The following DNAH6 variants were observed in gnomAD, a reference collection of about 807,000 sequenced individuals.
DNAH6 encodes dynein axonemal heavy chain 6, also known as axonemal beta dynein heavy chain 6.
In DNAH6, 340 loss-of-function variants were observed where a neutral mutation model predicts 491.4. The observed-to-expected ratio is 0.69, with a 90% CI of 0.63 to 0.76. The LOEUF is 0.76. DNAH6 is among the 30% of genes least tolerant of loss of function. The probability of loss-of-function intolerance (pLI) is 0.00; values close to 1 mark genes in which losing one functional copy is unlikely to be tolerated. For synonymous variants in DNAH6, 1,603 were observed against 1,686.1 expected (o/e 0.95, Z 1.21); for missense variants, 4,443 against 4,972.2 (o/e 0.89, Z 3.20).
intron 64 of DNAH6, among the ~76,000 whole-genome samples, chr2:84,776,799 G>T (rs543890060): frequency 3.3e-4 from 51 of 152,350 alleles, no homozygotes; most frequent in African/African-American, 1.2e-3. Flanking sequence ...GCACACATAT[G>T]TTTATTGCAA....
chr2:84,703,607 A>G (rs1165083722), intron 50 of DNAH6, 45 bp downstream of exon 50: 2 of 1,486,686 alleles, frequency 1.3e-6, no homozygotes. Flanking sequence ...TCTGTCAGCA[A>G]CTGATCACTT....
rs146816708 is a variant in DNAH6 at position 84,812,913 on chromosome 2, G to A, written c.11926-145G>A. ...GCTGGCAGAACAGGAAGGGGAATGC[G>A]GCAGGCAGTGAAATGGGGGTGGTGA... On this transcript the variant is annotated intron_variant, in intron 73 of 76. Coordinates refer to ENST00000389394, the MANE Select transcript of DNAH6 (RefSeq NM_001370.2). 647 of 661,254 alleles carry A rather than the reference G, an allele frequency of 9.8e-4. 4 individuals are homozygous for A. In the African/African-American group the frequency reaches 0.011, roughly 11 times the overall value. 41.0% of individuals were successfully genotyped at this position (661,254 alleles called of 1,614,324 possible). A position where few individuals can be genotyped will look rare whatever the true frequency, so the allele number is the denominator to read the frequency against.
chr2:84,806,280 A>G (rs1679401188), intron 71 of DNAH6, among the ~76,000 whole-genome samples: 1 of 152,182 alleles, frequency 6.6e-6, no homozygotes, highest in South Asian at 2.1e-4. Context: ...CTCCACTTAG[A>G]AGACATATGG....
the DNAH6 span, among the ~76,000 whole-genome samples, chr2:84,507,225 ATCC>A: frequency 6.6e-6 from 1 of 152,036 alleles, no homozygotes; most frequent in African/African-American, 2.4e-5. Context: ...ATTTGTTTGT[ATCC>A]TCTTTTATTT....
rs1159867761 is a variant in DNAH6 at position 84,706,972 on chromosome 2, C to T, written c.8804C>T (p.Ala2935Val). 1 of 1,538,902 alleles carries T rather than the reference C, an allele frequency of 6.5e-7. No individual in the cohort carries two copies. Among genetic ancestry groups the T allele is most frequent in the Admixed American group, 2.1e-5 (1 of 46,816 alleles). Reference sequence around the variant, plus strand: ...AGACAAGTAGAAGATCAAATACAGGCCTTACAAGATGAATATGACAAAGGT... The same window carrying T: ...AGACAAGTAGAAGATCAAATACAGGTCTTACAAGATGAATATGACAAAGGT... ...LLRQVEDQIQALQDEYDKGVN... is the reference protein window; with the variant it reads ...LLRQVEDQIQVLQDEYDKGVN... Residue 2935 changes from alanine (A) to valine (V), a missense_variant, in exon 53 of 77, where the codon GCC becomes GTC. This residue lies in a region of DNAH6 where 1,463 missense variants were observed against 1,656.6 expected (regional missense o/e 0.88). Coordinates refer to ENST00000389394, the MANE Select transcript of DNAH6 (RefSeq NM_001370.2).
chr2:84,495,255 C>G, the DNAH6 span, among the ~76,000 whole-genome samples: 1 of 152,222 alleles, frequency 6.6e-6, no homozygotes, highest in African/African-American at 2.4e-5. Flanking sequence ...CTCCACCTCC[C>G]GGGTTCACTC....
intron 11 of DNAH6, among the ~76,000 whole-genome samples, chr2:84,570,770 C>G (rs1220989052): frequency 1.3e-5 from 2 of 152,152 alleles, no homozygotes; most frequent in East Asian, 3.9e-4. Context: ...TAGCTGCAAC[C>G]CACTCGGGTC....
At position 84,777,494 on chromosome 2, in the gene DNAH6, G is replaced by C. The variant is rs1676251996; in HGVS notation, c.10704-3999G>C. On this transcript the variant is annotated intron_variant, in intron 64 of 76. Transcript: ENST00000389394. ...TATACTTTCTGCCAAATCTGCCACA[G>C]AGGGTCCAATGTCCCAGCCTTTGAG... The C allele has an allele frequency of 4.3e-6, 3 of 704,870 alleles. No individual in the cohort carries two copies. The East Asian group carries it at 7.7e-5, about 18-fold the overall frequency. 43.7% of individuals were successfully genotyped at this position (704,870 alleles called of 1,614,324 possible).
At chr2:84,615,089 G>A (rs1167674677) in intron 22 of DNAH6, among the ~76,000 whole-genome samples, 1 of 151,814 alleles carries the variant, frequency 6.6e-6, no homozygotes, top group Non-Finnish European at 1.5e-5. Flanking sequence ...TTTGCCTTTG[G>A]GTTTTGGTCA....
chr2:84,642,159 T>A (rs1196405546), intron 33 of DNAH6, 105 bp downstream of exon 33: 2 of 784,420 alleles, frequency 2.5e-6, no homozygotes, highest in Non-Finnish European at 2.0e-6. Flanking sequence ...AACTTTCCTA[T>A]CTTTTCTGGA....
chr2:84,600,482 T>C (rs1223865990), intron 18 of DNAH6, among the ~76,000 whole-genome samples: 1 of 152,192 alleles, frequency 6.6e-6, no homozygotes, highest in East Asian at 1.9e-4. Context: ...TTACATTTAA[T>C]TGTCATGTCT....
At position 84,713,234 on chromosome 2, in the gene DNAH6, T is replaced by C. The variant is rs1697220058; in HGVS notation, c.9518T>C (p.Met3173Thr). 1 of 1,552,094 alleles carries C rather than the reference T, an allele frequency of 6.4e-7. No homozygotes were observed. Among genetic ancestry groups the C allele is most frequent in the African/African-American group, 1.4e-5 (1 of 73,058 alleles). The change falls in exon 57 of 77, where the codon ATG becomes ACG. Residue 3173 changes from methionine (M) to threonine (T), a missense_variant. Coordinates refer to ENST00000389394, the MANE Select transcript of DNAH6 (RefSeq NM_001370.2). ...KNFRFYMTTK[M>T]PNPHYLPEVC... ...TTTAGGTTCTATATGACAACCAAAA[T>C]GCCAAATCCCCACTATCTGCCTGAG...
chr2:84,461,751 A>T, the DNAH6 span, among the ~76,000 whole-genome samples: 1 of 152,216 alleles, frequency 6.6e-6, no homozygotes, highest in Non-Finnish European at 1.5e-5. Context: ...TAAAGTGAGT[A>T]ACCAAATTAG....
intron 68 of DNAH6, among the ~76,000 whole-genome samples, chr2:84,794,324 A>G (rs1678092184): frequency 6.6e-6 from 1 of 151,870 alleles, no homozygotes; most frequent in Non-Finnish European, 1.5e-5. Context: ...AAAATTGACA[A>G]ATGGGATCTA....
chr2:84,633,696 C>CT (rs879869411), intron 29 of DNAH6, among the ~76,000 whole-genome samples: 338 of 145,164 alleles, frequency 2.3e-3, no homozygotes, highest in African/African-American at 6.6e-3. Flanking sequence ...CATATTCCAG[C>CT]TTTTTTTTTT....
intron 59 of DNAH6, among the ~76,000 whole-genome samples, chr2:84,720,570 G>A (rs530030925): frequency 3.3e-5 from 5 of 152,152 alleles, no homozygotes; most frequent in East Asian, 1.9e-4. Flanking sequence ...GAGCCACCGC[G>A]CCCGGCCGAG....
At chr2:84,555,674 G>A (rs149542531) in intron 10 of DNAH6, among the ~76,000 whole-genome samples, 18 of 152,048 alleles carry the variant, frequency 1.2e-4, no homozygotes, top group African/African-American at 3.4e-4. Flanking sequence ...TCACCTGAAC[G>A]TCCCACCAAT....
chr2:84,791,174 A>C (rs1480489169), intron 68 of DNAH6, among the ~76,000 whole-genome samples: 2 of 149,412 alleles, frequency 1.3e-5, no homozygotes, highest in African/African-American at 5.0e-5. Context: ...TGGGCGAGAG[A>C]GTAAAACTCC....
chr2:84,559,936 A>G (rs1680472936), intron 11 of DNAH6, among the ~76,000 whole-genome samples: 2 of 152,188 alleles, frequency 1.3e-5, no homozygotes, highest in African/African-American at 2.4e-5. Flanking sequence ...GAATGATGGG[A>G]AAAAGTAATG....
Sources: gnomAD v4.1 joint callset for allele counts (sites outside exome capture counted in the v4.1 genomes callset) on GRCh38, gnomAD v4.1.1 for gene constraint, gnomAD v4.1.1 regional missense constraint, MANE v1.5 for transcripts, NCBI Gene and HGNC (gene_info 2026-07-23, HGNC 2026-07-21) for gene names.